Variants in CBFA2T3 observed in about 807,000 individuals in gnomAD.
CBFA2T3 encodes the protein CBFA2/RUNX1 partner transcriptional co-repressor 3.
Under a neutral mutation model 58.6 loss-of-function variants are expected in CBFA2T3, and 31 were observed. The observed-to-expected ratio is 0.53, with a 90% CI of 0.40 to 0.71. The LOEUF is 0.71. Among genes scored for constraint, CBFA2T3 ranks in the 30% least tolerant of loss-of-function variants. The pLI is 0.00. For synonymous variants in CBFA2T3, 531 were observed against 421.9 expected, an observed-to-expected ratio of 1.26 and a Z score of -3.17; for missense variants, 1,076 against 963.1, an observed-to-expected ratio of 1.12 and a Z score of -1.55.
At chr16:88,904,284 G>A (rs552236131) in intron 1 of CBFA2T3, among the ~76,000 whole-genome samples, 1 of 152,126 alleles carries the variant, frequency 6.6e-6, no homozygotes, top group African/African-American at 2.4e-5. Context: ...GATCCTTCTC[G>A]GTGCTCTGCA....
At chr16:88,976,218 G>A (rs1468147832) in intron 1 of CBFA2T3, among the ~76,000 whole-genome samples, 2 of 152,196 alleles carry the variant, frequency 1.3e-5, no homozygotes, top group South Asian at 4.1e-4. Flanking sequence ...GGGGTCTTGG[G>A]CCAGTGCCCT....
intron 1 of CBFA2T3, among the ~76,000 whole-genome samples, chr16:88,932,098 C>T (rs1014677823): frequency 1.3e-5 from 2 of 152,150 alleles, no homozygotes; most frequent in African/African-American, 4.8e-5. Context: ...CCCCTGGCAA[C>T]GGCACCCGAC....
chr16:88,941,880 G>A (rs1439383227), intron 1 of CBFA2T3: 1 of 147,584 alleles, frequency 6.8e-6, no homozygotes, highest in African/African-American at 2.5e-5. Context: ...GGGGAGGTGG[G>A]GAGTTGGGGG....
chr16:88,913,396 T>C (rs992743525), intron 1 of CBFA2T3, among the ~76,000 whole-genome samples: 2 of 152,168 alleles, frequency 1.3e-5, no homozygotes, highest in African/African-American at 4.8e-5. Flanking sequence ...CAAAGAAGGG[T>C]GGTTGCTTTG....
In CBFA2T3 at chr16:88,977,046, T is replaced by A. The variant is rs117565673; in HGVS notation, c.-239A>T. On this transcript the variant is annotated 5_prime_UTR_variant, in exon 1 of 12. Transcript: ENST00000268679. ...ATGTGACGCGGGGCGGGCCTGGGGC[T>A]GCAGGCTGGGGAAGGTCTCCCTGCA... 4 of 454,094 alleles carry A rather than the reference T, an allele frequency of 8.8e-6. No homozygotes were observed. In the East Asian group the frequency reaches 1.3e-4, roughly 15 times the overall value. The allele number at this position is 454,094 out of a possible 1,614,324, so 28.1% of individuals were successfully genotyped here.
chr16:88,925,615 G>A (rs140371916), intron 1 of CBFA2T3, among the ~76,000 whole-genome samples: 3 of 152,336 alleles, frequency 2.0e-5, no homozygotes, highest in Non-Finnish European at 4.4e-5. Flanking sequence ...GCCTGCCTGA[G>A]GCCACCTGGA....
chr16:88,917,084 A>C (rs1365591788), intron 1 of CBFA2T3, among the ~76,000 whole-genome samples: 1 of 151,954 alleles, frequency 6.6e-6, no homozygotes, highest in East Asian at 1.9e-4. Context: ...AAAAAAAAAA[A>C]AGGAAAAAAA....
chr16:88,917,872 G>A (rs370427404), intron 1 of CBFA2T3, among the ~76,000 whole-genome samples: 22 of 150,298 alleles, frequency 1.5e-4, no homozygotes, highest in Admixed American at 1.0e-3. Context: ...GGAGGAGAGC[G>A]TGGGTGCGGA....
At chr16:88,960,773 C>G (rs1391683903) in intron 1 of CBFA2T3, among the ~76,000 whole-genome samples, 1 of 152,214 alleles carries the variant, frequency 6.6e-6, no homozygotes, top group Non-Finnish European at 1.5e-5. Context: ...AGAAACAAAC[C>G]TTGTTTACAC....
chr16:88,957,514 C>T (rs1194320745), intron 1 of CBFA2T3: 2 of 152,508 alleles, frequency 1.3e-5, no homozygotes, highest in East Asian at 1.9e-4. Context: ...CCTCCACCCC[C>T]AGACACATCC....
chr16:88,937,289 T>G (rs1971535842), intron 1 of CBFA2T3: 1 of 152,294 alleles, frequency 6.6e-6, no homozygotes, highest in Non-Finnish European at 1.5e-5. Flanking sequence ...ACGAACAGCG[T>G]GGTGTCCACC....
At chr16:88,883,565 AGAC>A (rs1446620329) in intron 7 of CBFA2T3, 1 of 152,084 alleles carries the variant, frequency 6.6e-6, no homozygotes. Flanking sequence ...CCAGAAACTA[AGAC>A]GTGAGTGACG....
intron 2 of CBFA2T3, among the ~76,000 whole-genome samples, chr16:88,898,548 A>G (rs1432607581): frequency 6.6e-6 from 1 of 152,178 alleles, no homozygotes; most frequent in Non-Finnish European, 1.5e-5. Flanking sequence ...CGGCTTCTCT[A>G]TGAGCAGGGG....
At chr16:88,889,682 ACTC>A (rs1314269728) in intron 5 of CBFA2T3, among the ~76,000 whole-genome samples, 6 of 150,240 alleles carry the variant, frequency 4.0e-5, no homozygotes, top group African/African-American at 9.9e-5. Flanking sequence ...TTCCTGAAGC[ACTC>A]CTCCTCCTCC....
intron 8 of CBFA2T3, among the ~76,000 whole-genome samples, chr16:88,881,875 GA>G (rs1969098538): frequency 6.6e-6 from 1 of 152,204 alleles, no homozygotes; most frequent in Non-Finnish European, 1.5e-5. Context: ...CATGCCTGGC[GA>G]CCCCTCCTGG....
chr16:88,932,174 G>C (rs535854747), intron 1 of CBFA2T3, among the ~76,000 whole-genome samples: 2 of 133,712 alleles, frequency 1.5e-5, no homozygotes, highest in East Asian at 4.1e-4. Context: ...CACGGCCCCT[G>C]CTTCCCCCTC....
chr16:88,939,661 C>T lies in CBFA2T3; in HGVS notation c.151+36996G>A, dbSNP rs74536928. On this transcript the variant is annotated intron_variant, in intron 1 of 11. Transcript: ENST00000268679. ...TGGCCCCTGTGGAAGTATCTGACTC[C>T]CAACGCCCAGACTGGAGCGGGGGCA... 2.9e-3 allele frequency: 435 copies of T among 152,494 alleles called. 4 individuals are homozygous for T. The highest frequency in any genetic ancestry group is 0.022 in the East Asian group (115 of 5,182). 9.4% of individuals were successfully genotyped at this position (152,494 alleles called of 1,614,324 possible).
intron 10 of CBFA2T3, chr16:88,879,679 G>A (rs959691501): frequency 7.6e-6 from 4 of 526,244 alleles, no homozygotes; most frequent in Admixed American, 3.2e-5. Flanking sequence ...TCATGCCTGT[G>A]CAGACAAGTG....
At chr16:88,913,956 C>CCA (rs1567603842) in intron 1 of CBFA2T3, among the ~76,000 whole-genome samples, 1 of 152,156 alleles carries the variant, frequency 6.6e-6, no homozygotes, top group Non-Finnish European at 1.5e-5. Flanking sequence ...AAGAGCCAAC[C>CCA]CACAGACACA....
Sources: gnomAD v4.1 joint callset for allele counts (sites outside exome capture counted in the v4.1 genomes callset) on GRCh38, gnomAD v4.1.1 for gene constraint, MANE v1.5 for transcripts, NCBI Gene and HGNC (gene_info 2026-07-23, HGNC 2026-07-21) for gene names.